Variants in TSPAN19 observed in about 807,000 individuals in gnomAD.
The protein encoded by TSPAN19 is tetraspanin 19.
In TSPAN19, 44 loss-of-function variants were observed where a neutral mutation model predicts 35.1. That is an observed-to-expected ratio of 1.25 (90% CI 0.98 to 1.61). The LOEUF (loss-of-function observed/expected upper bound fraction) is 1.61, where lower values mean the gene tolerates loss of function less well. TSPAN19 is among the 40% of genes most tolerant of loss of function. The pLI, the probability that TSPAN19 is intolerant of heterozygous loss-of-function variation, is 0.00. For missense variants in TSPAN19, 290 were observed against 280.0 expected (o/e 1.04, Z -0.26); for synonymous variants, 79 against 92.0 (o/e 0.86, Z 0.81).
At chr12:85,034,271 T>C (rs565530809) in intron 1 of TSPAN19, among the ~76,000 whole-genome samples, 2 of 152,282 alleles carry the variant, frequency 1.3e-5, no homozygotes, top group South Asian at 4.1e-4. Flanking sequence ...AATGATATTA[T>C]GGGATATTTA....
chr12:85,027,784 T>C lies in TSPAN19; in HGVS notation c.264+115A>G, dbSNP rs558959850. On this transcript the variant is annotated intron_variant, in intron 4 of 8. Coordinates refer to ENST00000532498, the MANE Select transcript of TSPAN19 (RefSeq NM_001100917.2). Reference sequence around the variant, plus strand: ...GGAGGGTGTGCTTCATTTGAATTACTCTAAGGACATACTCTACTGCAGTGC... The same window carrying C: ...GGAGGGTGTGCTTCATTTGAATTACCCTAAGGACATACTCTACTGCAGTGC... 5.9e-5 allele frequency: 63 copies of C among 1,066,048 alleles called. 2 individuals are homozygous for C. The African/African-American group carries it at 7.6e-4, about 13-fold the overall frequency. 66.0% of individuals were successfully genotyped at this position (1,066,048 alleles called of 1,614,324 possible).
intron 4 of TSPAN19, among the ~76,000 whole-genome samples, chr12:85,023,888 A>G (rs1877258516): frequency 6.6e-6 from 1 of 152,138 alleles, no homozygotes; most frequent in Non-Finnish European, 1.5e-5. Context: ...AAACCAAATA[A>G]AATAATTTTT....
intron 4 of TSPAN19, among the ~76,000 whole-genome samples, chr12:85,025,449 A>C (rs947004077): frequency 6.7e-6 from 1 of 150,188 alleles, no homozygotes; most frequent in Non-Finnish European, 1.5e-5. Flanking sequence ...ATATGAAACA[A>C]TTTTTAAAAT....
intron 5 of TSPAN19, among the ~76,000 whole-genome samples, chr12:85,021,516 G>T (rs1168849271): frequency 6.6e-6 from 1 of 151,948 alleles, no homozygotes. Flanking sequence ...GCCTCGTTTT[G>T]TTTCTAAAAC....
chr12:85,027,622 T>C (rs1877477570), intron 4 of TSPAN19, among the ~76,000 whole-genome samples: 1 of 152,138 alleles, frequency 6.6e-6, no homozygotes, highest in South Asian at 2.1e-4. Flanking sequence ...TGGTGAATTG[T>C]AGTTCACCCT....
intron 5 of TSPAN19, 72 bp downstream of exon 5, chr12:85,023,254 A>G (rs1877214823): frequency 3.1e-6 from 4 of 1,280,038 alleles, no homozygotes; most frequent in Admixed American, 2.1e-5. Context: ...AATGGTCTCA[A>G]TACTCTAAGG....
At chr12:85,031,735 G>C (rs1439935269) in intron 1 of TSPAN19, among the ~76,000 whole-genome samples, 2 of 152,066 alleles carry the variant, frequency 1.3e-5, no homozygotes, top group East Asian at 3.9e-4. Flanking sequence ...TAACAGAAAG[G>C]GAAGGGGATG....
chr12:85,014,411 G>T lies in TSPAN19; in HGVS notation c.*76C>A, dbSNP rs541944555. 2.8e-6 allele frequency: 3 copies of T among 1,065,470 alleles called. No homozygotes were observed. The highest frequency in any genetic ancestry group is 1.7e-5 in the African/African-American group (1 of 60,412). 66.0% of individuals were successfully genotyped at this position (1,065,470 alleles called of 1,614,324 possible). On this transcript the variant is annotated 3_prime_UTR_variant, in exon 9 of 9. Coordinates refer to ENST00000532498, the MANE Select transcript of TSPAN19 (RefSeq NM_001100917.2). ...TCTGTTATTTAATACAATTCAAAACGTTTTTGGAATAAAATAATATAATGT... is the reference window on the plus strand; with the variant it reads ...TCTGTTATTTAATACAATTCAAAACTTTTTTGGAATAAAATAATATAATGT...
intron 5 of TSPAN19, among the ~76,000 whole-genome samples, chr12:85,021,868 T>C (rs1877145326): frequency 6.6e-6 from 1 of 152,112 alleles, no homozygotes; most frequent in African/African-American, 2.4e-5. Flanking sequence ...AAGCCTCAGT[T>C]TTCTCTTCTA....
At chr12:85,035,559 G>A (rs1877944342) in intron 1 of TSPAN19, among the ~76,000 whole-genome samples, 1 of 151,840 alleles carries the variant, frequency 6.6e-6, no homozygotes, top group Non-Finnish European at 1.5e-5. Flanking sequence ...TTTTCCAGAG[G>A]CTCAGTGAAA....
chr12:85,029,480 C>T (rs1877580230), intron 3 of TSPAN19, among the ~76,000 whole-genome samples: 1 of 151,986 alleles, frequency 6.6e-6, no homozygotes, highest in Non-Finnish European at 1.5e-5. Flanking sequence ...CTATGTAATA[C>T]ATTATTGTTA....
rs199737105 is a variant in TSPAN19, at chr12:85,017,520, G to A, written c.530C>T (p.Ser177Phe). The stretch of plus-strand genomic sequence containing the variant: ...TTTTCTTAAAGTTGACTTTGTGCAA[G>A]AACATGGCACCTGTCCTGAATTTTC... Reference protein sequence around the residue: ...NKENSGQVPCSCTKSTLRKWF... With the variant: ...NKENSGQVPCFCTKSTLRKWF... Residue 177 changes from serine to phenylalanine, a missense_variant, in exon 7 of 9, where the codon TCT (serine) becomes TTT (phenylalanine). Coordinates refer to ENST00000532498, the MANE Select transcript of TSPAN19 (RefSeq NM_001100917.2). 3.7e-6 allele frequency: 6 copies of A among 1,605,288 alleles called. No individual in the cohort carries two copies. The highest frequency in any genetic ancestry group is 5.1e-6 in the Non-Finnish European group (6 of 1,175,250).
intron 6 of TSPAN19, 28 bp downstream of exon 6, chr12:85,019,598 T>C: frequency 7.2e-7 from 1 of 1,382,292 alleles, no homozygotes; most frequent in East Asian, 2.3e-5. Flanking sequence ...AATACTGACA[T>C]CTAATTTTTT....
At chr12:85,017,717 C>T in intron 6 of TSPAN19, 118 bp from the exon 7 acceptor site, 4 of 698,086 alleles carry the variant, frequency 5.7e-6, no homozygotes, top group Non-Finnish European at 9.1e-6. Flanking sequence ...TCCCCATGAA[C>T]ATGTAATGAA....
At chr12:85,015,616 T>A (rs1312880864) in intron 8 of TSPAN19, 3 of 212,436 alleles carry the variant, frequency 1.4e-5, no homozygotes, top group Non-Finnish European at 2.7e-5. Flanking sequence ...ATAGATCTAT[T>A]TATAGATATA....
At chr12:85,029,690 C>T (rs2135814851) in intron 3 of TSPAN19, 29 bp downstream of exon 3, 1 of 1,490,370 alleles carries the variant, frequency 6.7e-7, no homozygotes, top group Non-Finnish European at 9.0e-7. Context: ...GTCTATTTCA[C>T]TGAGAGAAAA....
At chr12:85,021,846 T>C (rs560772948) in intron 5 of TSPAN19, among the ~76,000 whole-genome samples, 1 of 152,108 alleles carries the variant, frequency 6.6e-6, no homozygotes, top group Non-Finnish European at 1.5e-5. Context: ...TTAACAAGCA[T>C]TTCTCATCTC....
chr12:85,017,508 G>C lies in TSPAN19; in HGVS notation c.542C>G (p.Ser181Ter), dbSNP rs1393905728. Residue 181 changes from serine to a stop codon, truncating the protein, a stop_gained, in exon 7 of 9, where the codon TCA (serine) becomes TGA (stop). Coordinates refer to ENST00000532498, the MANE Select transcript of TSPAN19 (RefSeq NM_001100917.2). LOFTEE classifies it high-confidence loss of function. ...SGQVPCSCTKSTLRKWFCDEP... is the reference protein window; with the variant it reads ...SGQVPCSCTK ...ATCACAAAACCATTTTCTTAAAGTT[G>C]ACTTTGTGCAAGAACATGGCACCTG... 2.5e-6 allele frequency: 4 copies of C among 1,607,244 alleles called. 1 individual carries two copies. The highest frequency in any genetic ancestry group is 2.2e-5 in the South Asian group (2 of 90,086).
At position 85,023,410 on chromosome 12, in the gene TSPAN19, A is replaced by T; in HGVS notation, c.265-10T>A. On this transcript the variant is annotated splice_polypyrimidine_tract_variant and intron_variant, in intron 4 of 8. Transcript: ENST00000532498. ...TTATCAATACTGCATACTAAAACAA[A>T]AGAAAAATAGAGATGATGACTATGC... The T allele has an allele frequency of 6.4e-7, 1 of 1,562,980 alleles. No homozygotes were observed. Among genetic ancestry groups the T allele is most frequent in the Non-Finnish European group, 8.7e-7 (1 of 1,151,442 alleles).
Sources: gnomAD v4.1 joint callset for allele counts (sites outside exome capture counted in the v4.1 genomes callset) on GRCh38, gnomAD v4.1.1 for gene constraint, MANE v1.5 for transcripts, NCBI Gene and HGNC (gene_info 2026-07-23, HGNC 2026-07-21) for gene names.